Variants in CA4 observed in about 807,000 individuals in gnomAD.
CA4 encodes CA-IV.
Under a neutral mutation model 34.5 loss-of-function variants are expected in CA4, and 24 were observed. That is an observed-to-expected ratio of 0.70 (90% confidence interval 0.50 to 0.98). CA4 has a LOEUF of 0.98. Ranked by LOEUF, CA4 falls within the 50% of genes least tolerant of loss-of-function variation. CA4 has a pLI of 0.00. For synonymous variants in CA4, 178 were observed against 170.6 expected (o/e 1.04, Z -0.34); for missense variants, 394 against 396.7 (o/e 0.99, Z 0.06).
chr17:60,161,157 G>C (rs1027060161), downstream of CA4, among the ~76,000 whole-genome samples: 10 of 152,028 alleles, frequency 6.6e-5, no homozygotes, highest in Non-Finnish European at 1.0e-4. Flanking sequence ...CACCACCACG[G>C]TGATTACATC....
intron 1 of CA4, among the ~76,000 whole-genome samples, chr17:60,150,398 C>A (rs1484485791): frequency 6.6e-6 from 1 of 152,082 alleles, no homozygotes; most frequent in Non-Finnish European, 1.5e-5. Flanking sequence ...TCAGGCCGGG[C>A]GCGGGTGCTC....
At chr17:60,167,222 T>G (rs2083864563) in intron 5 of CA4, among the ~76,000 whole-genome samples, 1 of 152,228 alleles carries the variant, frequency 6.6e-6, no homozygotes, top group Admixed American at 6.5e-5. Flanking sequence ...TGTTTCTACA[T>G]GGACGCTTAC....
intron 5 of CA4, among the ~76,000 whole-genome samples, chr17:60,169,299 G>A (rs1598008304): frequency 6.6e-6 from 1 of 151,246 alleles, no homozygotes; most frequent in African/African-American, 2.4e-5. Flanking sequence ...CAGCAGATTC[G>A]CAGATTCATG....
chr17:60,150,358 CGAGTTGG>C (rs2083568759), intron 1 of CA4, among the ~76,000 whole-genome samples: 1 of 152,114 alleles, frequency 6.6e-6, no homozygotes, highest in Non-Finnish European at 1.5e-5. Flanking sequence ...CCCGGCGAGA[CGAGTTGG>C]GAGTCCCTGA....
At chr17:60,160,615 T>G (rs1270563366), downstream of CA4, among the ~76,000 whole-genome samples, 1 of 151,974 alleles carries the variant, frequency 6.6e-6, no homozygotes, top group Non-Finnish European at 1.5e-5. Context: ...AATACAAAAA[T>G]TAGCTGGGCA....
chr17:60,166,149 G>A (rs2083853397), intron 5 of CA4, among the ~76,000 whole-genome samples: 2 of 152,312 alleles, frequency 1.3e-5, no homozygotes, highest in South Asian at 2.1e-4. Flanking sequence ...TGATTCTGGT[G>A]TTGGGCTTCC....
At chr17:60,161,822 C>G (rs1349838959), downstream of CA4, among the ~76,000 whole-genome samples, 2 of 152,166 alleles carry the variant, frequency 1.3e-5, no homozygotes, top group Non-Finnish European at 2.9e-5. Flanking sequence ...GACGCAGAAC[C>G]TGGAACCTGT....
At chr17:60,168,779 G>C (rs1243263081) in intron 5 of CA4, among the ~76,000 whole-genome samples, 2 of 152,164 alleles carry the variant, frequency 1.3e-5, no homozygotes, top group Non-Finnish European at 2.9e-5. Flanking sequence ...GCAGCTGAAA[G>C]GACTAGTTGA....
At chr17:60,160,363 A>T (rs2083771782), downstream of CA4, among the ~76,000 whole-genome samples, 1 of 152,246 alleles carries the variant, frequency 6.6e-6, no homozygotes, top group Non-Finnish European at 1.5e-5. Flanking sequence ...AAAGACAAAA[A>T]TGCCTGCCCT....
chr17:60,150,228 C>T, intron 1 of CA4, 136 bp downstream of exon 1: 1 of 705,644 alleles, frequency 1.4e-6, no homozygotes, highest in Non-Finnish European at 2.3e-6. Flanking sequence ...GCGTGTGCGC[C>T]GGGGGCCGCG....
chr17:60,160,901 G>A (rs2083780462), downstream of CA4, among the ~76,000 whole-genome samples: 1 of 149,368 alleles, frequency 6.7e-6, no homozygotes, highest in Admixed American at 6.6e-5. Context: ...ACAGCAGGGA[G>A]GAGTAGAGGG....
chr17:60,152,416 C>T (rs571320247), intron 1 of CA4, among the ~76,000 whole-genome samples: 1 of 152,330 alleles, frequency 6.6e-6, no homozygotes, highest in East Asian at 1.9e-4. Flanking sequence ...GTTACAAGTG[C>T]GTTCAGCCAA....
chr17:60,163,507 C>G (rs1298133622), downstream of CA4, among the ~76,000 whole-genome samples: 1 of 152,184 alleles, frequency 6.6e-6, no homozygotes, highest in Non-Finnish European at 1.5e-5. Flanking sequence ...GAAGGCCAGG[C>G]CTCTCTGAGG....
downstream of CA4, among the ~76,000 whole-genome samples, chr17:60,161,631 C>T (rs1190474429): frequency 6.6e-6 from 1 of 151,874 alleles, no homozygotes; most frequent in Non-Finnish European, 1.5e-5. Context: ...TGACCACCCC[C>T]AGTCAGCCCA....
At chr17:60,173,301 G>T (rs1295954054), downstream of CA4, among the ~76,000 whole-genome samples, 3 of 152,152 alleles carry the variant, frequency 2.0e-5, no homozygotes, top group Non-Finnish European at 1.5e-5. Context: ...ACCTTCAAAG[G>T]CCTTCACAGC....
intron 1 of CA4, among the ~76,000 whole-genome samples, chr17:60,152,659 C>T (rs2083612934): frequency 6.6e-6 from 1 of 152,218 alleles, no homozygotes; most frequent in African/African-American, 2.4e-5. Flanking sequence ...CCGGGCCCTC[C>T]AGTCAGAGAA....
At chr17:60,161,377 C>T (rs1339047076), downstream of CA4, among the ~76,000 whole-genome samples, 3 of 152,106 alleles carry the variant, frequency 2.0e-5, no homozygotes, top group East Asian at 1.9e-4. Context: ...TTTTGGAATT[C>T]GTGAGCCTTG....
intron 5 of CA4, among the ~76,000 whole-genome samples, chr17:60,168,671 CT>C (rs1206178034): frequency 6.6e-6 from 1 of 152,114 alleles, no homozygotes; most frequent in Non-Finnish European, 1.5e-5. Context: ...ACTCTGGCCC[CT>C]GGTGTCCTGC....
chr17:60,156,938 C>T (rs1223884285), intron 3 of CA4: 1 of 611,024 alleles, frequency 1.6e-6, no homozygotes, highest in Non-Finnish European at 2.9e-6. Flanking sequence ...GGAAACGTTC[C>T]AGGAAGAAGG....
Sources: allele counts gnomAD v4.1 joint callset (sites outside exome capture counted in the v4.1 genomes callset), GRCh38; gene constraint gnomAD v4.1.1; transcripts MANE v1.5; gene names NCBI Gene and HGNC (gene_info 2026-07-23, HGNC 2026-07-21).